CDH13: variants seen among roughly 807,000 people sequenced by gnomAD.
The protein encoded by CDH13 is cadherin 13.
A neutral mutation model predicts 63.8 loss-of-function variants in CDH13; 24 were observed. The observed-to-expected ratio is 0.38, with a 90% CI of 0.27 to 0.53. The LOEUF (loss-of-function observed/expected upper bound fraction) is 0.53, where lower values mean the gene tolerates loss of function less well. CDH13 is among the 20% of genes least tolerant of loss of function. The probability of loss-of-function intolerance (pLI) is 0.85; values close to 1 mark genes in which losing one functional copy is unlikely to be tolerated. For missense variants in CDH13, 1,049 were observed against 903.1 expected, an observed-to-expected ratio of 1.16 and a Z score of -2.07; for synonymous variants, 503 against 355.3, an observed-to-expected ratio of 1.42 and a Z score of -4.67.
intron 5 of CDH13, among the ~76,000 whole-genome samples, chr16:83,339,927 C>T (rs1360304252): frequency 6.6e-6 from 1 of 152,194 alleles, no homozygotes; most frequent in Non-Finnish European, 1.5e-5. Flanking sequence ...GAATGAGTTA[C>T]TCCTCCCTGG....
intron 2 of CDH13, among the ~76,000 whole-genome samples, chr16:82,863,360 G>C (rs2040013351): frequency 1.3e-5 from 2 of 152,182 alleles, no homozygotes; most frequent in African/African-American, 4.8e-5. Context: ...TGCCATCTTA[G>C]AAACACTAGG....
At chr16:83,092,737 C>G (rs1381602116) in intron 3 of CDH13, among the ~76,000 whole-genome samples, 1 of 152,080 alleles carries the variant, frequency 6.6e-6, no homozygotes, top group Non-Finnish European at 1.5e-5. Context: ...CCAAATACAC[C>G]TATTATTACC....
chr16:82,736,976 C>T (rs1295613052), intron 1 of CDH13, among the ~76,000 whole-genome samples: 1 of 152,168 alleles, frequency 6.6e-6, no homozygotes, highest in East Asian at 1.9e-4. Flanking sequence ...CCTTTTCTGC[C>T]TCTCTGCATT....
intron 1 of CDH13, among the ~76,000 whole-genome samples, chr16:82,724,133 G>T (rs571911390): frequency 7.2e-5 from 11 of 152,242 alleles, no homozygotes; most frequent in African/African-American, 2.6e-4. Context: ...ATTGTGCAGG[G>T]TAAAGAGGTT....
intron 2 of CDH13, among the ~76,000 whole-genome samples, chr16:82,955,559 T>C (rs2151330354): frequency 6.6e-6 from 1 of 152,084 alleles, no homozygotes. Flanking sequence ...TTAAAGCATA[T>C]ACAGGTGGCA....
At chr16:82,666,431 T>C (rs1272146469) in intron 1 of CDH13, among the ~76,000 whole-genome samples, 2 of 152,238 alleles carry the variant, frequency 1.3e-5, no homozygotes, top group East Asian at 3.8e-4. Flanking sequence ...GACCATACAC[T>C]GTGCTTGTTC....
chr16:83,437,646 C>T (rs1296169886), intron 6 of CDH13, among the ~76,000 whole-genome samples: 2 of 151,954 alleles, frequency 1.3e-5, no homozygotes, highest in African/African-American at 2.4e-5. Flanking sequence ...CACTGCACTC[C>T]AGCCTGGGAG....
chr16:83,338,323 A>T (rs898786290), intron 5 of CDH13, among the ~76,000 whole-genome samples: 1 of 152,184 alleles, frequency 6.6e-6, no homozygotes, highest in African/African-American at 2.4e-5. Context: ...CAGCTGTAAT[A>T]TGCCGGAGAT....
chr16:82,843,298 G>A, intron 1 of CDH13, among the ~76,000 whole-genome samples: 1 of 152,188 alleles, frequency 6.6e-6, no homozygotes, highest in East Asian at 1.9e-4. Flanking sequence ...CAATGCATGA[G>A]TCCTTCAGAA....
chr16:83,186,675 C>T (rs930522043), intron 4 of CDH13, among the ~76,000 whole-genome samples: 1 of 152,142 alleles, frequency 6.6e-6, no homozygotes, highest in African/African-American at 2.4e-5. Context: ...TAAGGAGTTA[C>T]AAAAAGTTAA....
intron 1 of CDH13, among the ~76,000 whole-genome samples, chr16:82,736,505 G>C (rs181781391): frequency 3.9e-5 from 6 of 152,156 alleles, no homozygotes; most frequent in African/African-American, 1.2e-4. Flanking sequence ...AATAAACAGA[G>C]CACTGCCACA....
intron 10 of CDH13, among the ~76,000 whole-genome samples, chr16:83,685,184 C>G (rs1417571991): frequency 1.3e-5 from 2 of 152,122 alleles, no homozygotes; most frequent in South Asian, 2.1e-4. Context: ...AGGGCCATAC[C>G]TAGCTGCAAG....
chr16:82,857,568 T>C (rs1400627531), intron 1 of CDH13, among the ~76,000 whole-genome samples: 1 of 152,202 alleles, frequency 6.6e-6, no homozygotes, highest in Non-Finnish European at 1.5e-5. Context: ...GTAACCTAAA[T>C]TTTTGACCGC....
chr16:83,760,490 C>T (rs180712784), intron 11 of CDH13, among the ~76,000 whole-genome samples: 39 of 152,298 alleles, frequency 2.6e-4, no homozygotes, highest in African/African-American at 8.7e-4. Flanking sequence ...CACAAAATGG[C>T]ATCTGTACAA....
intron 2 of CDH13, among the ~76,000 whole-genome samples, chr16:83,014,014 G>T (rs910496043): frequency 1.3e-5 from 2 of 152,030 alleles, no homozygotes; most frequent in African/African-American, 4.8e-5. Context: ...CTAAACACTC[G>T]AGGTAAAATG....
chr16:83,480,731 A>C (rs1346485565), intron 6 of CDH13, among the ~76,000 whole-genome samples: 4 of 152,192 alleles, frequency 2.6e-5, no homozygotes, highest in Admixed American at 1.3e-4. Flanking sequence ...CAGTCCTGGG[A>C]GAACTATCTG....
At chr16:83,536,837 T>C (rs1161171107) in intron 7 of CDH13, among the ~76,000 whole-genome samples, 1 of 152,102 alleles carries the variant, frequency 6.6e-6, no homozygotes, top group Non-Finnish European at 1.5e-5. Flanking sequence ...GCACTAGTGA[T>C]AAATTGAGCA....
intron 8 of CDH13, among the ~76,000 whole-genome samples, chr16:83,650,743 A>G (rs992418676): frequency 5.9e-5 from 9 of 152,134 alleles, no homozygotes. Context: ...GAAAGACTCT[A>G]AGTGAGATTA....
rs1567715073 is a variant in CDH13, at chr16:83,500,233, C to CTT, written c.960+13578_960+13579insTT. On this transcript the variant is annotated intron_variant, in intron 7 of 13. Coordinates refer to ENST00000567109, the MANE Select transcript of CDH13 (RefSeq NM_001257.5). Reference sequence around the variant, plus strand: ...ATTCAGACACTAGTTTCTTTCTTCTCCTTCTTCTTCTTCTTCTTCTTCTTC... The same window carrying CTT: ...ATTCAGACACTAGTTTCTTTCTTCTCTTCTTCTTCTTCTTCTTCTTCTTCTTC... 4.2e-4 allele frequency among the ~76,000 whole-genome samples: 8 copies of CTT among 19,048 alleles called. 4 individuals carry two copies. Among genetic ancestry groups the CTT allele is most frequent in the African/African-American group, 7.0e-4 (4 of 5,678 alleles). The allele number at this position is 19,048 out of a possible 152,430, so 12.5% of individuals were successfully genotyped here. A position where few individuals can be genotyped will look rare whatever the true frequency, so the allele number is the denominator to read the frequency against.
Sources: allele counts gnomAD v4.1 joint callset (sites outside exome capture counted in the v4.1 genomes callset), GRCh38; gene constraint gnomAD v4.1.1; transcripts MANE v1.5; gene names NCBI Gene and HGNC (gene_info 2026-07-23, HGNC 2026-07-21).